SERINC5: variants seen among roughly 807,000 people sequenced by gnomAD.
The protein encoded by SERINC5 is serine incorporator 5, also known as chromosome 5 open reading frame 12.
SERINC5 carries 41 observed loss-of-function variants against 63.1 expected under a neutral mutation model. The ratio of observed to expected loss-of-function variants is 0.65; its 90% CI spans 0.51 to 0.84. The LOEUF (loss-of-function observed/expected upper bound fraction) is 0.84, where lower values mean the gene tolerates loss of function less well. Among genes scored for constraint, SERINC5 ranks in the 40% least tolerant of loss-of-function variants. The pLI is 0.00. For missense variants in SERINC5, 523 were observed against 573.0 expected (o/e 0.91, Z 0.89); for synonymous variants, 222 against 215.2 (o/e 1.03, Z -0.28).
intron 2 of SERINC5, among the ~76,000 whole-genome samples, chr5:80,201,976 C>T (rs1225417018): frequency 6.6e-6 from 1 of 152,162 alleles, no homozygotes; most frequent in Non-Finnish European, 1.5e-5. Context: ...GTGGCTCACG[C>T]CTGTAATCCC....
chr5:80,149,390 T>TA (rs397725047), intron 9 of SERINC5, among the ~76,000 whole-genome samples: 2 of 78 alleles, frequency 0.026, no homozygotes, highest in African/African-American at 0.083. Flanking sequence ...TGTTGGCAGA[T>TA]GACAGCCCTT....
At chr5:80,199,065 GTA>G (rs1749673609) in intron 2 of SERINC5, among the ~76,000 whole-genome samples, 1 of 152,116 alleles carries the variant, frequency 6.6e-6, no homozygotes, top group African/African-American at 2.4e-5. Flanking sequence ...TCTAGAATCT[GTA>G]ATGGCTTCCC....
intron 2 of SERINC5, among the ~76,000 whole-genome samples, chr5:80,184,889 T>C (rs975269422): frequency 1.3e-5 from 2 of 152,030 alleles, no homozygotes; most frequent in East Asian, 3.9e-4. Flanking sequence ...ATGTTGTTTC[T>C]TTTTTTTGAT....
intron 1 of SERINC5, among the ~76,000 whole-genome samples, chr5:80,245,003 T>C (rs1286802739): frequency 2.0e-5 from 3 of 152,140 alleles, no homozygotes; most frequent in Non-Finnish European, 4.4e-5. Flanking sequence ...TCTTCCTCTC[T>C]CACTTGACTT....
At chr5:80,145,806 T>C (rs1745782140) in intron 11 of SERINC5, among the ~76,000 whole-genome samples, 1 of 152,116 alleles carries the variant, frequency 6.6e-6, no homozygotes, top group African/African-American at 2.4e-5. Flanking sequence ...GGTCAGGAGT[T>C]CAAGACCAGC....
chr5:80,211,010 G>A (rs1750405781), intron 1 of SERINC5, among the ~76,000 whole-genome samples: 2 of 152,180 alleles, frequency 1.3e-5, no homozygotes, highest in South Asian at 4.1e-4. Context: ...AGAGAGCATG[G>A]TGGCATCACA....
chr5:80,196,944 G>A (rs1044732379), intron 2 of SERINC5, among the ~76,000 whole-genome samples: 1 of 151,688 alleles, frequency 6.6e-6, no homozygotes. Flanking sequence ...CATCTCAAAA[G>A]AAATAAATAA....
chr5:80,223,293 A>C (rs1269003580), intron 1 of SERINC5, among the ~76,000 whole-genome samples: 1 of 152,218 alleles, frequency 6.6e-6, no homozygotes, highest in Non-Finnish European at 1.5e-5. Flanking sequence ...CCTGATATAA[A>C]ATGGAATTTG....
At chr5:80,200,781 C>T (rs1749788572) in intron 2 of SERINC5, among the ~76,000 whole-genome samples, 1 of 151,992 alleles carries the variant, frequency 6.6e-6, no homozygotes, top group Non-Finnish European at 1.5e-5. Context: ...TTTTGAAATA[C>T]TTGAGTGTAT....
At chr5:80,130,252 C>T (rs1372310321) in intron 11 of SERINC5, among the ~76,000 whole-genome samples, 1 of 151,998 alleles carries the variant, frequency 6.6e-6, no homozygotes, top group Non-Finnish European at 1.5e-5. Flanking sequence ...TGGTGGCAGG[C>T]ACCTGTAATC....
chr5:80,182,111 T>C (rs2112430982), intron 2 of SERINC5, among the ~76,000 whole-genome samples: 1 of 152,334 alleles, frequency 6.6e-6, no homozygotes, highest in Non-Finnish European at 1.5e-5. Context: ...GCAGATCTAA[T>C]GAGTGGATGA....
rs796769914 is a variant in SERINC5 at position 80,148,189 on chromosome 5, C to CTTTTTTTTTTTTTT, written c.1054-919_1054-906dup. On this transcript the variant is annotated intron_variant, in intron 9 of 11. Coordinates refer to ENST00000507668, the MANE Select transcript of SERINC5 (RefSeq NM_001174072.3). ...TCTGGTACCTTGCGTATTTTTTATT[C>CTTTTTTTTTTTTTT]TTTTTTTTTTTTTTTTTTGAGATGG... Among the ~76,000 whole-genome samples the CTTTTTTTTTTTTTT allele has an allele frequency of 7.7e-4, 79 of 102,318 alleles. 6 individuals carry two copies. The highest frequency in any genetic ancestry group is 2.1e-3 in the African/African-American group (56 of 26,050). The allele number at this position is 102,318 out of a possible 152,430, so 67.1% of individuals were successfully genotyped here.
rs564253679 is a variant in SERINC5 at position 80,220,011 on chromosome 5, C to A, written c.28-16958G>T. On this transcript the variant is annotated intron_variant, in intron 1 of 11. Transcript: ENST00000507668. The stretch of plus-strand genomic sequence containing the variant: ...TCACCTGAGGTCAGGAGTTCAAGAC[C>A]AGCCTGGCCAACATGGCCAAACCCC... Among the ~76,000 whole-genome samples the A allele has an allele frequency of 2.2e-3, 328 of 152,116 alleles. 2 individuals carry two copies. The highest frequency in any genetic ancestry group is 7.7e-3 in the African/African-American group (318 of 41,510).
chr5:80,141,385 C>T lies in SERINC5; in HGVS notation c.*2278G>A. On this transcript the variant is annotated 3_prime_UTR_variant, in exon 12 of 12. Transcript: ENST00000507668. The stretch of plus-strand genomic sequence containing the variant: ...TGCTTGGGCTTCCCTAAGCTGCTTT[C>T]TGCAGAGGAAAGGGCCAATCACGGC... The T allele has an allele frequency of 1.0e-6, 1 of 985,438 alleles. No individual in the cohort carries two copies. Among genetic ancestry groups the T allele is most frequent in the African/African-American group, 1.7e-5 (1 of 57,352 alleles). 61.0% of individuals were successfully genotyped at this position (985,438 alleles called of 1,614,324 possible).
intron 1 of SERINC5, among the ~76,000 whole-genome samples, chr5:80,216,482 T>C (rs1411155830): frequency 1.3e-5 from 2 of 152,172 alleles, no homozygotes; most frequent in Non-Finnish European, 2.9e-5. Context: ...GTTGGAAAGC[T>C]AAAGCCGTCT....
At chr5:80,158,232 C>T (rs1250496167) in intron 8 of SERINC5, 2 of 152,308 alleles carry the variant, frequency 1.3e-5, no homozygotes, top group African/African-American at 2.4e-5. Flanking sequence ...GTGGAATAAC[C>T]CCCACCACAA....
At chr5:80,154,251 C>G (rs1020554289) in intron 8 of SERINC5, among the ~76,000 whole-genome samples, 1 of 151,940 alleles carries the variant, frequency 6.6e-6, no homozygotes, top group Non-Finnish European at 1.5e-5. Context: ...TCGATGTCGG[C>G]TCACCACAAC....
chr5:80,223,347 T>C (rs2112543964), intron 1 of SERINC5, among the ~76,000 whole-genome samples: 1 of 152,314 alleles, frequency 6.6e-6, no homozygotes, highest in African/African-American at 2.4e-5. Flanking sequence ...AAATTATCTC[T>C]AGATTACTCA....
At chr5:80,218,673 C>CAAA (rs772735653) in intron 1 of SERINC5, among the ~76,000 whole-genome samples, 19 of 99,192 alleles carry the variant, frequency 1.9e-4, no homozygotes, top group African/African-American at 7.2e-4. Context: ...GACTCTGTCT[C>CAAA]AAAAAAAAAA....
Sources: gnomAD v4.1 joint callset for allele counts (sites outside exome capture counted in the v4.1 genomes callset) on GRCh38, gnomAD v4.1.1 for gene constraint, MANE v1.5 for transcripts, NCBI Gene and HGNC (gene_info 2026-07-23, HGNC 2026-07-21) for gene names.